The following SLC2A13 variants were observed in gnomAD, a reference collection of about 807,000 sequenced individuals.
SLC2A13 encodes proton myo-inositol cotransporter.
In SLC2A13, 32 loss-of-function variants were observed where a neutral mutation model predicts 64.4. The observed-to-expected ratio is 0.50, with a 90% confidence interval of 0.37 to 0.67. The LOEUF is 0.67. SLC2A13 is among the 30% of genes least tolerant of loss of function. The pLI, the probability that SLC2A13 is intolerant of heterozygous loss-of-function variation, is 0.00. For missense variants in SLC2A13, 743 were observed against 829.2 expected (o/e 0.90, Z 1.28); for synonymous variants, 338 against 327.1 (o/e 1.03, Z -0.36).
In SLC2A13 at chr12:39,963,395, A is replaced by G. The variant is rs145543766; in HGVS notation, c.926-12030T>C. Among the ~76,000 whole-genome samples the G allele has an allele frequency of 5.3e-5, 8 of 152,316 alleles. No homozygotes were observed. The East Asian group carries it at 1.2e-3, about 22-fold the overall frequency. On this transcript the variant is annotated intron_variant, in intron 3 of 9. Transcript: ENST00000280871. ...AGATTCCACAAAATATTTCAAATAGATTCATTAACATAAAGAATAAATGCA... is the reference window on the plus strand; with the variant it reads ...AGATTCCACAAAATATTTCAAATAGGTTCATTAACATAAAGAATAAATGCA...
At chr12:40,020,391 T>C (rs1427291286) in intron 3 of SLC2A13, among the ~76,000 whole-genome samples, 1 of 152,174 alleles carries the variant, frequency 6.6e-6, no homozygotes, top group African/African-American at 2.4e-5. Flanking sequence ...TAAAACTGTG[T>C]GACTTTCTTC....
chr12:39,991,806 T>TTA (rs201888042), intron 3 of SLC2A13, among the ~76,000 whole-genome samples: 72,483 of 151,764 alleles, frequency 0.48, 17,645 homozygotes, highest in Non-Finnish European at 0.55. Flanking sequence ...ACTATCTTTT[T>TTA]AAAAAAAAAT....
intron 1 of SLC2A13, among the ~76,000 whole-genome samples, chr12:40,085,780 T>G (rs1938570128): frequency 6.6e-6 from 1 of 152,144 alleles, no homozygotes; most frequent in Admixed American, 6.5e-5. Context: ...GCTCAAGCAT[T>G]AAGTGACTTA....
chr12:39,968,688 C>G (rs773779270), intron 3 of SLC2A13, among the ~76,000 whole-genome samples: 10 of 148,570 alleles, frequency 6.7e-5, no homozygotes, highest in Non-Finnish European at 1.0e-4. Flanking sequence ...GAGGTCTATA[C>G]ACACTTTCCC....
intron 7 of SLC2A13, among the ~76,000 whole-genome samples, chr12:39,804,136 C>T (rs1941895274): frequency 6.6e-6 from 1 of 151,928 alleles, no homozygotes; most frequent in African/African-American, 2.4e-5. Flanking sequence ...GAAAAAAACA[C>T]TAAATATCTT....
chr12:39,907,490 C>T (rs1945318715), intron 4 of SLC2A13: 1 of 152,118 alleles, frequency 6.6e-6, no homozygotes, highest in Non-Finnish European at 1.5e-5. Context: ...AGGATTCCTA[C>T]AAAACTCTAT....
At chr12:39,871,669 C>A in intron 5 of SLC2A13, 129 bp downstream of exon 5, 2 of 882,188 alleles carry the variant, frequency 2.3e-6, no homozygotes, top group Non-Finnish European at 3.2e-6. Flanking sequence ...TCTAGAAGAA[C>A]TCTAATTTTT....
At chr12:39,901,128 C>A (rs1251121879) in intron 4 of SLC2A13, among the ~76,000 whole-genome samples, 1 of 152,146 alleles carries the variant, frequency 6.6e-6, no homozygotes, top group African/African-American at 2.4e-5. Flanking sequence ...GGAAAACTGG[C>A]TAGCCATATG....
intron 7 of SLC2A13, among the ~76,000 whole-genome samples, chr12:39,806,357 G>A (rs1458093607): frequency 1.3e-5 from 2 of 152,164 alleles, no homozygotes; most frequent in Non-Finnish European, 2.9e-5. Flanking sequence ...CTGACCCTAG[G>A]TGCCTAATGA....
chr12:39,913,796 T>C (rs1497050), intron 4 of SLC2A13, among the ~76,000 whole-genome samples: 77,177 of 151,710 alleles, frequency 0.51, 20,781 homozygotes, highest in Middle Eastern at 0.59. Context: ...ATACATCTTT[T>C]AGAAACGTAT....
At chr12:39,847,044 C>A (rs111520242) in intron 6 of SLC2A13, among the ~76,000 whole-genome samples, 185 of 152,242 alleles carry the variant, frequency 1.2e-3, no homozygotes, top group Middle Eastern at 6.8e-3. Context: ...TTAATGATTC[C>A]TTTTACTTTG....
intron 3 of SLC2A13, among the ~76,000 whole-genome samples, chr12:39,992,280 G>A (rs1340402656): frequency 6.6e-6 from 1 of 152,102 alleles, no homozygotes; most frequent in Non-Finnish European, 1.5e-5. Flanking sequence ...ATTACGTTGT[G>A]CTTTCTACCC....
At position 40,105,157 on chromosome 12, in the gene SLC2A13, C is replaced by G. The variant is rs561721323; in HGVS notation, c.556+96G>C. ...GGAGGATTCTCTGACCCTGGGAGAC[C>G]AGACGGGGACCCCGATGGGCAAGAG... On this transcript the variant is annotated intron_variant, in intron 1 of 9. Transcript: ENST00000280871. The surrounding 1 kb of genome is among the most constrained non-coding windows in gnomAD (Gnocchi z 4.2). The G allele has an allele frequency of 1.5e-5, 22 of 1,419,626 alleles. No homozygotes were observed. Among genetic ancestry groups the G allele is most frequent in the Non-Finnish European group, 2.0e-5 (22 of 1,093,508 alleles). 87.9% of individuals were successfully genotyped at this position (1,419,626 alleles called of 1,614,324 possible). A position where few individuals can be genotyped will look rare whatever the true frequency, so the allele number is the denominator to read the frequency against.
At chr12:39,906,066 T>C (rs995594840) in intron 4 of SLC2A13, among the ~76,000 whole-genome samples, 2 of 152,138 alleles carry the variant, frequency 1.3e-5, no homozygotes, top group Non-Finnish European at 1.5e-5. Context: ...TTTATCACGA[T>C]AGACAAACTT....
In SLC2A13 at chr12:39,830,155, A is replaced by G. The variant is rs1288382154; in HGVS notation, c.1393T>C (p.Ser465Pro). ...GCTTTATTAACTGGAACACAGGAGG[A>G]GTCAATGACAGTTGATTTGTTCATC... ...YKMNKSTVIDSSCVPVNKAST... is the reference protein window; with the variant it reads ...YKMNKSTVIDPSCVPVNKAST... The change falls in exon 7 of 10, where the codon TCC becomes CCC. Residue 465 changes from serine to proline, a missense_variant. By Grantham distance (74) the Ser-to-Pro change is moderately conservative. Coordinates refer to ENST00000280871, the MANE Select transcript of SLC2A13 (RefSeq NM_052885.4). 1 of 1,613,736 alleles carries G rather than the reference A, an allele frequency of 6.2e-7. No individual in the cohort carries two copies. The highest frequency in any genetic ancestry group is 1.1e-5 in the South Asian group (1 of 91,080).
In SLC2A13 at chr12:39,918,936, GCGCACACA is replaced by G. The variant is rs1376373858; in HGVS notation, c.1034+32313_1034+32320del. 3.4e-5 allele frequency among the ~76,000 whole-genome samples: 5 copies of G among 147,084 alleles called. No individual in the cohort carries two copies. The East Asian group carries it at 8.0e-4, about 23-fold the overall frequency. On this transcript the variant is annotated intron_variant, in intron 4 of 9. Transcript: ENST00000280871. ...TTCTAGATCATTTCAGGTTATACAC[GCGCACACA>G]CACACACACACACGTGTGTGTATAC...
rs768822331 is a variant in SLC2A13 at position 39,760,198 on chromosome 12, C to G, written c.1775G>C (p.Gly592Ala). ...FAAVGLLFIY[G>A]CLPETKGKKL... ...TTTGCCTTTGGTCTCAGGAAGACAG[C>G]CATAGATGAAAAGGAGTCCCACAGC... is the stretch of plus-strand genomic sequence containing the variant. The change falls in exon 10 of 10, where the codon GGC becomes GCC. Residue 592 changes from glycine (G) to alanine (A), a missense_variant. Gly to Ala is a moderately conservative substitution (Grantham distance 60). Coordinates refer to ENST00000280871, the MANE Select transcript of SLC2A13 (RefSeq NM_052885.4). The G allele has an allele frequency of 6.2e-7, 1 of 1,612,670 alleles. No homozygotes were observed. The highest frequency in any genetic ancestry group is 1.1e-5 in the South Asian group (1 of 91,050).
At chr12:40,089,118 A>G (rs1311116797) in intron 1 of SLC2A13, among the ~76,000 whole-genome samples, 1 of 152,196 alleles carries the variant, frequency 6.6e-6, no homozygotes, top group Admixed American at 6.5e-5. Flanking sequence ...TGAATCACTG[A>G]AAGAGTCAGG....
At chr12:40,050,592 T>G (rs1295579743) in intron 1 of SLC2A13, among the ~76,000 whole-genome samples, 2 of 152,216 alleles carry the variant, frequency 1.3e-5, no homozygotes, top group Non-Finnish European at 2.9e-5. Context: ...TTATAGGGAC[T>G]AATAATCTTA....
Sources: gnomAD v4.1 joint callset for allele counts (sites outside exome capture counted in the v4.1 genomes callset) on GRCh38, gnomAD v4.1.1 for gene constraint, Gnocchi (gnomAD v3.1) non-coding constraint, MANE v1.5 for transcripts, NCBI Gene and HGNC (gene_info 2026-07-23, HGNC 2026-07-21) for gene names.